Variants in NLGN1 observed in about 807,000 individuals in gnomAD.
NLGN1 encodes neuroligin-1.
Under a neutral mutation model 65.5 loss-of-function variants are expected in NLGN1, and 12 were observed. The ratio of observed to expected loss-of-function variants is 0.18; its 90% CI spans 0.12 to 0.30. NLGN1 has a LOEUF of 0.30. Among genes scored for constraint, NLGN1 ranks in the 10% least tolerant of loss-of-function variants. The pLI is 1.00. For synonymous variants in NLGN1, 350 were observed against 359.5 expected, an observed-to-expected ratio of 0.97 and a Z score of 0.30; for missense variants, 750 against 1,007.1, an observed-to-expected ratio of 0.74 and a Z score of 3.46.
intron 4 of NLGN1, among the ~76,000 whole-genome samples, chr3:173,889,697 G>C (rs1186829345): frequency 1.3e-5 from 2 of 152,074 alleles, no homozygotes. Flanking sequence ...ATAAGGTCTG[G>C]CAACGACCAT....
intron 4 of NLGN1, among the ~76,000 whole-genome samples, chr3:174,007,172 C>CGTCACG (rs1724603411): frequency 6.6e-6 from 1 of 152,170 alleles, no homozygotes; most frequent in Non-Finnish European, 1.5e-5. Context: ...CGGTGACCAT[C>CGTCACG]TGCAAGCCAA....
chr3:173,887,930 T>C (rs1734661983), intron 4 of NLGN1, among the ~76,000 whole-genome samples: 1 of 151,990 alleles, frequency 6.6e-6, no homozygotes, highest in Admixed American at 6.6e-5. Context: ...TTTCAAGAAA[T>C]AAAATTATAA....
At chr3:173,604,072 A>G (rs895253895) in intron 2 of NLGN1, among the ~76,000 whole-genome samples, 3 of 152,166 alleles carry the variant, frequency 2.0e-5, no homozygotes, top group Non-Finnish European at 4.4e-5. Flanking sequence ...GTAAATGTAT[A>G]TAAAGTCAGC....
chr3:174,168,025 T>C (rs903655715), intron 4 of NLGN1, among the ~76,000 whole-genome samples: 4 of 152,114 alleles, frequency 2.6e-5, no homozygotes, highest in Admixed American at 6.5e-5. Context: ...ATTTTGAAAT[T>C]CCTTAAGTTT....
intron 4 of NLGN1, among the ~76,000 whole-genome samples, chr3:173,812,011 A>G (rs1180095221): frequency 6.6e-6 from 1 of 152,210 alleles, no homozygotes; most frequent in African/African-American, 2.4e-5. Context: ...TGACATAAAT[A>G]TCTTGGAGGC....
chr3:174,275,562 G>T (rs1750390143), intron 5 of NLGN1, 35 bp downstream of exon 5: 2 of 1,314,458 alleles, frequency 1.5e-6, no homozygotes, highest in African/African-American at 2.9e-5. Flanking sequence ...GACAATTTTG[G>T]TGTCTGCATG....
At chr3:174,180,162 T>G (rs1730129807) in intron 4 of NLGN1, among the ~76,000 whole-genome samples, 1 of 152,106 alleles carries the variant, frequency 6.6e-6, no homozygotes, top group South Asian at 2.1e-4. Flanking sequence ...AAAGAAAAAT[T>G]AAACACAATA....
At chr3:174,006,662 T>C (rs1724467360) in intron 4 of NLGN1, among the ~76,000 whole-genome samples, 1 of 152,184 alleles carries the variant, frequency 6.6e-6, no homozygotes, top group Admixed American at 6.5e-5. Context: ...GTTGAAGCCC[T>C]AACCCCCAGT....
chr3:173,431,769 T>C (rs1717208790), intron 1 of NLGN1, among the ~76,000 whole-genome samples: 1 of 152,168 alleles, frequency 6.6e-6, no homozygotes, highest in South Asian at 2.1e-4. Flanking sequence ...AATGTTGGTG[T>C]AGTACAGTCA....
chr3:174,006,113 A>C (rs1297179921), intron 4 of NLGN1, among the ~76,000 whole-genome samples: 1 of 151,934 alleles, frequency 6.6e-6, no homozygotes, highest in Non-Finnish European at 1.5e-5. Flanking sequence ...CTCAGAGTTT[A>C]CTCTTCTCAA....
chr3:173,737,473 A>T (rs1355012748), intron 3 of NLGN1, among the ~76,000 whole-genome samples: 2 of 152,158 alleles, frequency 1.3e-5, no homozygotes, highest in East Asian at 3.9e-4. Flanking sequence ...GTGTCTCTAT[A>T]GATTGCCTCT....
chr3:173,760,287 C>T (rs1388371551), intron 3 of NLGN1, among the ~76,000 whole-genome samples: 1 of 151,798 alleles, frequency 6.6e-6, no homozygotes, highest in African/African-American at 2.4e-5. Context: ...TTGAATTTGT[C>T]TTTGTATGCT....
intron 4 of NLGN1, among the ~76,000 whole-genome samples, chr3:173,831,364 A>G (rs182575527): frequency 6.6e-6 from 1 of 152,332 alleles, no homozygotes; most frequent in African/African-American, 2.4e-5. Context: ...TTTTAAAGAA[A>G]TGTGTGTTTC....
intron 4 of NLGN1, among the ~76,000 whole-genome samples, chr3:173,906,539 T>C (rs73182691): frequency 0.018 from 2,769 of 152,268 alleles, 51 homozygotes; most frequent in Non-Finnish European, 0.028. Context: ...ACCCATCACA[T>C]TTTTGTAAAC....
At chr3:174,180,496 G>A (rs769782108) in intron 4 of NLGN1, among the ~76,000 whole-genome samples, 2 of 152,128 alleles carry the variant, frequency 1.3e-5, no homozygotes, top group Non-Finnish European at 2.9e-5. Flanking sequence ...GGTACAAATG[G>A]CTTTAATGAG....
chr3:173,927,494 G>A (rs1408631405), intron 4 of NLGN1, among the ~76,000 whole-genome samples: 1 of 151,986 alleles, frequency 6.6e-6, no homozygotes, highest in East Asian at 1.9e-4. Context: ...GGAGGGATGG[G>A]GACACAATTA....
intron 4 of NLGN1, among the ~76,000 whole-genome samples, chr3:174,137,552 CT>C (rs1443023674): frequency 6.6e-6 from 1 of 152,062 alleles, no homozygotes; most frequent in Non-Finnish European, 1.5e-5. Flanking sequence ...TGTTGGAAAT[CT>C]CAAATAAGGT....
In NLGN1 at chr3:174,244,835, C is replaced by T. The variant is rs150078460; in HGVS notation, c.647-30480C>T. 2.3e-4 allele frequency among the ~76,000 whole-genome samples: 35 copies of T among 152,236 alleles called. No homozygotes were observed. In the South Asian group the frequency reaches 3.1e-3, roughly 14 times the overall value. ...GAGTTAATCGGTAATTTTTCACAGA[C>T]GACATCTAATCTGTGAGTATAAATT... On this transcript the variant is annotated intron_variant, in intron 4 of 6. Transcript: ENST00000457714.
intron 2 of NLGN1, among the ~76,000 whole-genome samples, chr3:173,584,359 G>A (rs1460020490): frequency 7.1e-6 from 1 of 141,624 alleles, no homozygotes; most frequent in East Asian, 2.2e-4. Context: ...CACCGATTTG[G>A]AGTAGAAACC....
Sources: gnomAD v4.1 joint callset for allele counts (sites outside exome capture counted in the v4.1 genomes callset) on GRCh38, gnomAD v4.1.1 for gene constraint, MANE v1.5 for transcripts, NCBI Gene and HGNC (gene_info 2026-07-23, HGNC 2026-07-21) for gene names.